Variants in WNK1 observed in about 807,000 individuals in gnomAD.
WNK1 encodes serine/threonine-protein kinase WNK1.
WNK1 carries 38 observed loss-of-function variants against 222.8 expected under a neutral mutation model. That is an observed-to-expected ratio of 0.17 (90% CI 0.13 to 0.22). The LOEUF (loss-of-function observed/expected upper bound fraction) is 0.22. Among genes scored for constraint, WNK1 ranks in the 10% least tolerant of loss-of-function variants. WNK1 has a pLI of 1.00. For synonymous variants in WNK1, 1,090 were observed against 1,092.9 expected (o/e 1.00, Z 0.05); for missense variants, 2,348 against 2,918.4 (o/e 0.80, Z 4.50).
In WNK1 at chr12:896,736, A is replaced by G. The variant is rs767202674; in HGVS notation, c.6245+4A>G. 5 of 1,609,206 alleles carry G rather than the reference A, an allele frequency of 3.1e-6. No individual in the cohort carries two copies. In the South Asian group the frequency reaches 5.5e-5, roughly 18 times the overall value. Reference sequence around the variant, plus strand: ...AGCTGCGACGACTACGAGATAAGTAAGTATATTTTCTCTTGTGAAAGAATG... The same window carrying G: ...AGCTGCGACGACTACGAGATAAGTAGGTATATTTTCTCTTGTGAAAGAATG... On this transcript the variant is annotated splice_donor_region_variant and intron_variant, in intron 24 of 27. Coordinates refer to ENST00000315939, the MANE Select transcript of WNK1 (RefSeq NM_018979.4).
At chr12:755,998 CA>C (rs1280609757) in intron 1 of WNK1, among the ~76,000 whole-genome samples, 1 of 152,054 alleles carries the variant, frequency 6.6e-6, no homozygotes, top group Admixed American at 6.5e-5. Flanking sequence ...ACAACAACAA[CA>C]AAAAAACTTA....
At chr12:870,687 C>T (rs537834337) in intron 8 of WNK1, among the ~76,000 whole-genome samples, 13 of 152,268 alleles carry the variant, frequency 8.5e-5, no homozygotes, top group Non-Finnish European at 1.6e-4. Context: ...CTAGTAGCAG[C>T]AATCTCCCTC....
At chr12:851,811 A>T in intron 4 of WNK1, 1 of 1,310,908 alleles carries the variant, frequency 7.6e-7, no homozygotes, top group Non-Finnish European at 1.0e-6. Flanking sequence ...TATATGTAAC[A>T]GTTTATATTG....
Position 844,217 on chromosome 12 carries a change from C to T in WNK1, c.1312-12944C>T, listed in dbSNP as rs543588753. ...TGCGATCTTGGCTCCCTGCAACCTA[C>T]GCCTCCTGGGTTCAAGTGATTCTCC... On this transcript the variant is annotated intron_variant, in intron 4 of 27. Coordinates refer to ENST00000315939, the MANE Select transcript of WNK1 (RefSeq NM_018979.4). Among the ~76,000 whole-genome samples the T allele has an allele frequency of 4.6e-5, 7 of 152,004 alleles. No homozygotes were observed. The South Asian group carries it at 1.0e-3, about 23-fold the overall frequency.
In WNK1 at chr12:910,488, G is replaced by A. The variant is rs1389172244; in HGVS notation, c.*1696G>A. 1 of 152,142 alleles carries A rather than the reference G, an allele frequency of 6.6e-6. No individual in the cohort carries two copies. Among genetic ancestry groups the A allele is most frequent in the Non-Finnish European group, 1.5e-5 (1 of 68,036 alleles). 9.4% of individuals were successfully genotyped at this position (152,142 alleles called of 1,614,324 possible). On this transcript the variant is annotated 3_prime_UTR_variant, in exon 28 of 28. Coordinates refer to ENST00000315939, the MANE Select transcript of WNK1 (RefSeq NM_018979.4). ...CTGCAACCAATCAGTGTTATTCAGT[G>A]CTATGCCTCCTTGTAATGGGTAGTT...
At chr12:866,440 G>C (rs1951675840) in intron 8 of WNK1, among the ~76,000 whole-genome samples, 1 of 152,158 alleles carries the variant, frequency 6.6e-6, no homozygotes, top group Non-Finnish European at 1.5e-5. Flanking sequence ...TCGACTCACG[G>C]CAACCTCTGC....
At chr12:886,874 A>G (rs940872538) in intron 19 of WNK1, among the ~76,000 whole-genome samples, 1 of 152,202 alleles carries the variant, frequency 6.6e-6, no homozygotes, top group Admixed American at 6.5e-5. Context: ...CTTGTTTTAC[A>G]TGGCGAAAGT....
At chr12:754,417 C>G in intron 1 of WNK1, 93 bp downstream of exon 1, 1 of 1,531,004 alleles carries the variant, frequency 6.5e-7, no homozygotes, top group Non-Finnish European at 9.0e-7. Flanking sequence ...ACTTGGCATT[C>G]TCTGTTGGAC....
rs1190780807 is a variant in WNK1, at chr12:758,006, G to T, written c.759+3682G>T. On this transcript the variant is annotated intron_variant, in intron 1 of 27. Transcript: ENST00000315939. ...GTCGAGATCGCACCACTGCACTCCAGCCTGGGTGACAGGGTGAGACTCTGT... is the reference window on the plus strand; with the variant it reads ...GTCGAGATCGCACCACTGCACTCCATCCTGGGTGACAGGGTGAGACTCTGT... Among the ~76,000 whole-genome samples the T allele has an allele frequency of 2.9e-5, 4 of 137,610 alleles. 1 individual carries two copies. The highest frequency in any genetic ancestry group is 1.5e-4 in the Admixed American group (2 of 13,656). The allele number at this position is 137,610 out of a possible 152,430, so 90.3% of individuals were successfully genotyped here.
intron 20 of WNK1, among the ~76,000 whole-genome samples, chr12:888,020 G>A (rs1427683302): frequency 2.6e-5 from 4 of 152,106 alleles, no homozygotes; most frequent in South Asian, 2.1e-4. Context: ...GCAGTCCACC[G>A]CCAACACATT....
intron 1 of WNK1, among the ~76,000 whole-genome samples, chr12:800,327 T>C (rs908963249): frequency 2.0e-5 from 3 of 152,130 alleles, no homozygotes; most frequent in Non-Finnish European, 4.4e-5. Context: ...TTTGATCACC[T>C]TTTTATTTGG....
Position 908,650 on chromosome 12 carries a change from A to C in WNK1, c.7007A>C (p.Gln2336Pro). ...YGFPATPFGAQWSGTGGPAPQ... is the reference protein window; with the variant it reads ...YGFPATPFGAPWSGTGGPAPQ... ...TTTCCAGCTACCCCATTTGGCGCTC[A>C]ATGGAGTGGGACGGGTGGCCCAGCA... The change falls in exon 28 of 28, where the codon CAA (glutamine) becomes CCA (proline). Residue 2336 changes from glutamine (Q) to proline (P), a missense_variant. Gln to Pro is a moderately conservative substitution (Grantham distance 76). Around this residue, in one of 13 missense-constraint regions of WNK1, gnomAD observed 76 missense variants for 85.7 expected, o/e 0.89. Coordinates refer to ENST00000315939, the MANE Select transcript of WNK1 (RefSeq NM_018979.4). The C allele has an allele frequency of 6.2e-7, 1 of 1,614,188 alleles. No individual in the cohort carries two copies. Among genetic ancestry groups the C allele is most frequent in the South Asian group, 1.1e-5 (1 of 91,084 alleles).
chr12:761,848 C>G (rs1431995220), intron 1 of WNK1, among the ~76,000 whole-genome samples: 1 of 146,804 alleles, frequency 6.8e-6, no homozygotes, highest in Non-Finnish European at 1.5e-5. Context: ...TAAAGAGTTA[C>G]TAGATATCAT....
At chr12:878,660 A>G (rs1310260149) in intron 10 of WNK1, among the ~76,000 whole-genome samples, 2 of 152,120 alleles carry the variant, frequency 1.3e-5, no homozygotes, top group African/African-American at 2.4e-5. Flanking sequence ...AACAGGTTAA[A>G]TAAAGGTGCT....
At chr12:785,643 C>T (rs143456357) in intron 1 of WNK1, among the ~76,000 whole-genome samples, 1,965 of 152,200 alleles carry the variant, frequency 0.013, 16 homozygotes, top group Non-Finnish European at 0.016. Flanking sequence ...GTGATCCACC[C>T]GCCTCAGCCT....
intron 26 of WNK1, among the ~76,000 whole-genome samples, chr12:904,019 C>T (rs867083520): frequency 7.2e-5 from 11 of 152,166 alleles, no homozygotes; most frequent in South Asian, 2.1e-4. Flanking sequence ...TATCAGTCTA[C>T]TGTGGTGGGG....
intron 4 of WNK1, among the ~76,000 whole-genome samples, chr12:852,228 G>T (rs181720774): frequency 3.3e-5 from 5 of 152,140 alleles, no homozygotes; most frequent in South Asian, 4.2e-4. Flanking sequence ...TTTTTGTGGG[G>T]TTTTTTTAGT....
chr12:753,418 C>T lies in WNK1; in HGVS notation c.-148C>T. ...GCGGTCCGCCTGTCCCTCGTTGCGGCTTGTCGGTGCTGAGTGAGGCGTCGT... is the reference window on the plus strand; with the variant it reads ...GCGGTCCGCCTGTCCCTCGTTGCGGTTTGTCGGTGCTGAGTGAGGCGTCGT... On this transcript the variant is annotated 5_prime_UTR_variant, in exon 1 of 28. Transcript: ENST00000315939. This position sits in a 1 kb window ranked among gnomAD's most constrained non-coding sequence, Gnocchi z 5.2. The T allele has an allele frequency of 1.9e-6, 2 of 1,043,140 alleles. No individual in the cohort carries two copies. Among genetic ancestry groups the T allele is most frequent in the Admixed American group, 2.5e-5 (1 of 39,872 alleles). The allele number at this position is 1,043,140 out of a possible 1,614,324, so 64.6% of individuals were successfully genotyped here. A position where few individuals can be genotyped will look rare whatever the true frequency, so the allele number is the denominator to read the frequency against.
Position 881,893 on chromosome 12 carries a change from T to G in WNK1, c.3210-18T>G. On this transcript the variant is annotated intron_variant, in intron 13 of 27. Coordinates refer to ENST00000315939, the MANE Select transcript of WNK1 (RefSeq NM_018979.4). ...TCATATTATAAACTGCACTTTTTTT[T>G]CTTTTTAAATTTCAAAGTGCACATT... The G allele has an allele frequency of 6.2e-7, 1 of 1,614,152 alleles. No homozygotes were observed. The highest frequency in any genetic ancestry group is 1.7e-5 in the Admixed American group (1 of 60,016).
Sources: gnomAD v4.1 joint callset for allele counts (sites outside exome capture counted in the v4.1 genomes callset) on GRCh38, gnomAD v4.1.1 for gene constraint, gnomAD v4.1.1 regional missense constraint, Gnocchi (gnomAD v3.1) non-coding constraint, MANE v1.5 for transcripts, NCBI Gene and HGNC (gene_info 2026-07-23, HGNC 2026-07-21) for gene names.